Variants in IL20RB observed in about 807,000 individuals in gnomAD.
IL20RB encodes the protein interleukin 20 receptor subunit beta.
Under a neutral mutation model 33.3 loss-of-function variants are expected in IL20RB, and 21 were observed. That is an observed-to-expected ratio of 0.63 (90% CI 0.45 to 0.91). The LOEUF (loss-of-function observed/expected upper bound fraction) is 0.91. Ranked by LOEUF, IL20RB falls within the 40% of genes least tolerant of loss-of-function variation. The pLI is 0.00. For synonymous variants in IL20RB, 147 were observed against 146.8 expected (o/e 1.00, Z -0.01); for missense variants, 345 against 384.8 (o/e 0.90, Z 0.86).
At chr3:136,958,274 C>T in intron 1 of IL20RB, 73 bp downstream of exon 1, 1 of 888,536 alleles carries the variant, frequency 1.1e-6, no homozygotes, top group Non-Finnish European at 1.9e-6. Context: ...AATACTTTCC[C>T]AGGGCCTGGG....
chr3:136,982,489 C>T (rs1431586277), intron 3 of IL20RB, 139 bp downstream of exon 3: 1 of 566,032 alleles, frequency 1.8e-6, no homozygotes, highest in Non-Finnish European at 2.9e-6. Flanking sequence ...ACAACCCTTA[C>T]TGGTATATTT....
rs145422097 is a variant in IL20RB, at chr3:136,975,672, C to T, written c.89-4794C>T. Among the ~76,000 whole-genome samples the T allele has an allele frequency of 3.0e-4, 45 of 152,226 alleles. No homozygotes were observed. The East Asian group carries it at 5.2e-3, about 18-fold the overall frequency. On this transcript the variant is annotated intron_variant, in intron 1 of 6. Transcript: ENST00000329582. ...TTTATTCTGGGTACTTTGGCTGCAG[C>T]GTTAGTAGTATATGTGATTTCATCA...
intron 1 of IL20RB, among the ~76,000 whole-genome samples, chr3:136,963,648 GA>G (rs1030586976): frequency 4.1e-5 from 6 of 147,362 alleles, no homozygotes; most frequent in African/African-American, 1.5e-4. Context: ...TGAGTTTTGA[GA>G]GTTTTTTATG....
At position 136,995,517 on chromosome 3, in the gene IL20RB, G is replaced by T. The variant is rs1942108950; in HGVS notation, c.786G>T (p.Gln262His). ...LFVWKMGRLL[Q>H]YSCCPVVVLP... is the part of the protein sequence containing the mutation. ...TCTGGAAAATGGGCCGGCTGCTCCA[G>T]TACTCCTGTTGCCCCGTGGTGGTCC... The change falls in exon 6 of 7, where the codon CAG (glutamine) becomes CAT (histidine). Residue 262 changes from glutamine to histidine, a missense_variant. Physicochemically the swap from Gln to His is conservative, Grantham distance 24. Coordinates refer to ENST00000329582, the MANE Select transcript of IL20RB (RefSeq NM_144717.4). The T allele has an allele frequency of 6.2e-7, 1 of 1,614,042 alleles. No individual in the cohort carries two copies. Among genetic ancestry groups the T allele is most frequent in the Non-Finnish European group, 8.5e-7 (1 of 1,180,034 alleles).
At chr3:136,982,636 G>A (rs1196813228) in intron 3 of IL20RB, among the ~76,000 whole-genome samples, 1 of 152,174 alleles carries the variant, frequency 6.6e-6, no homozygotes, top group Non-Finnish European at 1.5e-5. Flanking sequence ...AAGCTGCTCT[G>A]GAAGTGAAGA....
intron 6 of IL20RB, among the ~76,000 whole-genome samples, chr3:137,003,201 T>C (rs553074848): frequency 3.7e-4 from 56 of 152,276 alleles, no homozygotes; most frequent in African/African-American, 1.3e-3. Context: ...AGTCAGATAG[T>C]GTGATGCCTC....
At chr3:136,998,568 T>TA (rs1942181054) in intron 6 of IL20RB, among the ~76,000 whole-genome samples, 2 of 152,042 alleles carry the variant, frequency 1.3e-5, no homozygotes, top group African/African-American at 4.8e-5. Flanking sequence ...TGATTTTTTT[T>TA]ATCTGAAAAT....
intron 6 of IL20RB, among the ~76,000 whole-genome samples, chr3:137,003,280 A>G (rs1942283280): frequency 6.6e-6 from 1 of 152,174 alleles, no homozygotes; most frequent in Admixed American, 6.6e-5. Context: ...TATGAATTTT[A>G]AAGTAATTTC....
In IL20RB at chr3:137,010,203, CT is replaced by C; in HGVS notation, c.917del (p.Leu306ProfsTer14). The C allele has an allele frequency of 6.3e-7, 1 of 1,583,818 alleles. No individual in the cohort carries two copies. Among genetic ancestry groups the C allele is most frequent in the Non-Finnish European group, 8.7e-7 (1 of 1,152,348 alleles). On this transcript the variant is annotated frameshift_variant, in exon 7 of 7. Transcript: ENST00000329582. LOFTEE classifies it high-confidence loss of function. ...ATAVMSPEEL[L>X]RAWIS ...GGCTGTGATGTCTCCTGAGGAACTC[CT>C]CAGGGCCTGGATCTCATAGGTTTGC...
chr3:136,986,037 C>T (rs1941889173), intron 3 of IL20RB, among the ~76,000 whole-genome samples: 1 of 152,052 alleles, frequency 6.6e-6, no homozygotes, highest in African/African-American at 2.4e-5. Context: ...CAGTGGATCA[C>T]GAGGTCAGGA....
intron 6 of IL20RB, among the ~76,000 whole-genome samples, chr3:136,996,663 G>A (rs1274253805): frequency 6.6e-6 from 1 of 152,138 alleles, no homozygotes; most frequent in East Asian, 1.9e-4. Flanking sequence ...ATACTTCCAG[G>A]TAGTCATAAC....
intron 1 of IL20RB, among the ~76,000 whole-genome samples, chr3:136,975,233 T>G (rs1323386655): frequency 6.6e-6 from 1 of 152,178 alleles, no homozygotes; most frequent in Non-Finnish European, 1.5e-5. Flanking sequence ...GTATAACAGT[T>G]TCTTCTTCCC....
In IL20RB at chr3:136,989,341, C is replaced by T. The variant is rs551077697; in HGVS notation, c.407-100C>T. ...TACAGCAGACTCCCTTCCTCTCCTA[C>T]GGAGACGGACATATTTCCATACATG... On this transcript the variant is annotated intron_variant, in intron 3 of 6. Coordinates refer to ENST00000329582, the MANE Select transcript of IL20RB (RefSeq NM_144717.4). The T allele has an allele frequency of 2.4e-4, 333 of 1,378,510 alleles. 2 individuals carry two copies. The South Asian group carries it at 2.8e-3, about 11-fold the overall frequency. 85.4% of individuals were successfully genotyped at this position (1,378,510 alleles called of 1,614,324 possible). A position where few individuals can be genotyped will look rare whatever the true frequency, so the allele number is the denominator to read the frequency against.
intron 1 of IL20RB, 175 bp from the exon 2 acceptor site, chr3:136,980,291 C>CTT (rs5852860): frequency 6.8e-4 from 369 of 543,802 alleles, no homozygotes; most frequent in South Asian, 1.7e-3. Context: ...ACATGTGAGG[C>CTT]TTTTTTTTTT....
At position 136,978,559 on chromosome 3, in the gene IL20RB, A is replaced by G. The variant is rs374062623; in HGVS notation, c.89-1907A>G. ...GATTTATGATTTTATTCTTTAGTTTATCGACATGGTAAATTACATTAACTG... is the reference window on the plus strand; with the variant it reads ...GATTTATGATTTTATTCTTTAGTTTGTCGACATGGTAAATTACATTAACTG... On this transcript the variant is annotated intron_variant, in intron 1 of 6. Coordinates refer to ENST00000329582, the MANE Select transcript of IL20RB (RefSeq NM_144717.4). Among the ~76,000 whole-genome samples the G allele has an allele frequency of 3.3e-5, 5 of 152,148 alleles. No individual in the cohort carries two copies. The South Asian group carries it at 6.2e-4, about 19-fold the overall frequency.
intron 6 of IL20RB, among the ~76,000 whole-genome samples, chr3:136,995,973 C>G (rs1942119126): frequency 6.6e-6 from 1 of 152,170 alleles, no homozygotes; most frequent in East Asian, 1.9e-4. Context: ...ATTCACATGC[C>G]AAAAGCCTCA....
At chr3:136,984,799 G>C (rs1941861506) in intron 3 of IL20RB, among the ~76,000 whole-genome samples, 1 of 152,096 alleles carries the variant, frequency 6.6e-6, no homozygotes, top group African/African-American at 2.4e-5. Context: ...GGAATGGAGA[G>C]GATGATCATC....
chr3:137,002,319 C>T (rs2628402), intron 6 of IL20RB, among the ~76,000 whole-genome samples: 152,307 of 152,308 alleles, frequency 1, 76,153 homozygotes, highest in Non-Finnish European at 1. Context: ...CAAATGGTAA[C>T]TATATTTCTA....
At chr3:136,978,187 A>G (rs1941675999) in intron 1 of IL20RB, among the ~76,000 whole-genome samples, 1 of 139,558 alleles carries the variant, frequency 7.2e-6, no homozygotes, top group Admixed American at 7.3e-5. Context: ...TTTTTTTGAG[A>G]TGGAGTCTTG....
Sources: allele counts gnomAD v4.1 joint callset (sites outside exome capture counted in the v4.1 genomes callset), GRCh38; gene constraint gnomAD v4.1.1; transcripts MANE v1.5; gene names NCBI Gene and HGNC (gene_info 2026-07-23, HGNC 2026-07-21).